Variants in MAP4K4 observed in about 807,000 individuals in gnomAD.
The protein encoded by MAP4K4 is mitogen-activated protein kinase kinase kinase kinase 4, also known as HPK/GCK-like kinase HGK.
A neutral mutation model predicts 189.6 loss-of-function variants in MAP4K4; 38 were observed. The observed-to-expected ratio is 0.20, with a 90% CI of 0.15 to 0.26. MAP4K4 has a LOEUF of 0.26. Ranked by LOEUF, MAP4K4 falls within the 10% of genes least tolerant of loss-of-function variation. MAP4K4 has a pLI of 1.00. For missense variants in MAP4K4, 1,054 were observed against 1,726.9 expected, an observed-to-expected ratio of 0.61 and a Z score of 6.91; for synonymous variants, 610 against 624.3, an observed-to-expected ratio of 0.98 and a Z score of 0.34.
At position 101,787,867 on chromosome 2, in the gene MAP4K4, G is replaced by T. The variant is rs191239876; in HGVS notation, c.124-2853G>T. Among the ~76,000 whole-genome samples the T allele has an allele frequency of 8.5e-3, 1,245 of 146,222 alleles. 11 individuals carry two copies. Among genetic ancestry groups the T allele is most frequent in the Middle Eastern group, 0.014 (4 of 276 alleles). ...CACCCAGGCTGGAGTGCAGTGGCAC[G>T]ATCTCAGCTCACTGCAACCTCCACC... is the stretch of plus-strand genomic sequence containing the variant. On this transcript the variant is annotated intron_variant, in intron 2 of 32. Coordinates refer to ENST00000324219, the Ensembl canonical transcript of MAP4K4.
chr2:101,765,732 G>A (rs2078350821), intron 2 of MAP4K4, among the ~76,000 whole-genome samples: 1 of 152,148 alleles, frequency 6.6e-6, no homozygotes, highest in African/African-American at 2.4e-5. Flanking sequence ...AACAAGTGTT[G>A]AATCTAGGTA....
At chr2:101,700,465 G>C (rs2037779213) in intron 2 of MAP4K4, among the ~76,000 whole-genome samples, 1 of 152,200 alleles carries the variant, frequency 6.6e-6, no homozygotes, top group Admixed American at 6.5e-5. Context: ...AATTAAATCT[G>C]TGCAAAAGTT....
chr2:101,726,785 A>T (rs563240950), intron 2 of MAP4K4, among the ~76,000 whole-genome samples: 40 of 152,274 alleles, frequency 2.6e-4, no homozygotes, highest in Middle Eastern at 3.4e-3. Flanking sequence ...ATTCATTTTG[A>T]CCCTCTCAGT....
intron 2 of MAP4K4, among the ~76,000 whole-genome samples, chr2:101,754,704 A>T (rs1196068870): frequency 2.6e-5 from 4 of 152,338 alleles, no homozygotes; most frequent in African/African-American, 9.6e-5. Context: ...AGTTAATTCA[A>T]ACACAGCCTT....
At chr2:101,880,796 C>G (rs753090587) in intron 27 of MAP4K4, among the ~76,000 whole-genome samples, 1 of 152,130 alleles carries the variant, frequency 6.6e-6, no homozygotes. Flanking sequence ...CGTGAGCCAC[C>G]GCGCCTGGTG....
chr2:101,842,526 A>G (rs2096953467), intron 10 of MAP4K4, 83 bp from the exon 11 acceptor site: 3 of 944,006 alleles, frequency 3.2e-6, no homozygotes, highest in African/African-American at 3.3e-5. Flanking sequence ...TTTTCTGCCA[A>G]GGTGCTCCTG....
At chr2:101,705,854 C>G (rs1322678529) in intron 2 of MAP4K4, among the ~76,000 whole-genome samples, 1 of 152,140 alleles carries the variant, frequency 6.6e-6, no homozygotes, top group Non-Finnish European at 1.5e-5. Flanking sequence ...ATTTGGTTCT[C>G]CCACCCTTTG....
Position 101,859,846 on chromosome 2 carries a change from T to C in MAP4K4, c.1686T>C (p.Pro562=), listed in dbSNP as rs778171175. The C allele has an allele frequency of 1.9e-6, 3 of 1,607,016 alleles. No individual in the cohort carries two copies. In the South Asian group the frequency reaches 3.4e-5, roughly 18 times the overall value. The change falls in exon 15 of 33, where the codon CCT becomes CCC. Residue 562 remains proline (P), a synonymous_variant. Transcript: ENST00000324219. ...CCGAGCCCAAAGCCCACTACGAGCC[T>C]GCTGACCGAGCGCGAGAGGTATCCT... is the stretch of plus-strand genomic sequence containing the variant.
At chr2:101,852,155 T>A (rs1447103432) in intron 12 of MAP4K4, among the ~76,000 whole-genome samples, 1 of 151,964 alleles carries the variant, frequency 6.6e-6, no homozygotes, top group Non-Finnish European at 1.5e-5. Context: ...TTTTTGTTTT[T>A]ATTAGTATGA....
At chr2:101,839,068 G>C (rs758893154) in intron 9 of MAP4K4, among the ~76,000 whole-genome samples, 50 of 152,334 alleles carry the variant, frequency 3.3e-4, no homozygotes, top group Non-Finnish European at 6.2e-4. Context: ...ATAGGACAGA[G>C]TGTTGCCAGG....
chr2:101,851,724 CTTTTTTTTTTTTTTTTT>C (rs36217584), intron 12 of MAP4K4, among the ~76,000 whole-genome samples: 4,190 of 68,184 alleles, frequency 0.061, 300 homozygotes, highest in African/African-American at 0.15. Flanking sequence ...TAACTGTCCT[CTTTTTTTTTTTTTTTTT>C]TTTTTTTTTT....
chr2:101,751,818 C>T (rs780610626), intron 2 of MAP4K4, among the ~76,000 whole-genome samples: 21 of 152,162 alleles, frequency 1.4e-4, no homozygotes, highest in Non-Finnish European at 2.5e-4. Flanking sequence ...TATGAATCTT[C>T]GCTGTGGTCT....
At chr2:101,738,733 C>T (rs974588143) in intron 2 of MAP4K4, among the ~76,000 whole-genome samples, 1 of 151,932 alleles carries the variant, frequency 6.6e-6, no homozygotes, top group Non-Finnish European at 1.5e-5. Context: ...TTCTTGCCCT[C>T]TGCTTGCTTT....
At chr2:101,816,475 T>C (rs2095724548) in intron 3 of MAP4K4, among the ~76,000 whole-genome samples, 1 of 152,174 alleles carries the variant, frequency 6.6e-6, no homozygotes, top group South Asian at 2.1e-4. Flanking sequence ...CAACACTCTA[T>C]TCAATGTGTA....
exon 33 of MAP4K4, chr2:101,892,629 A>G: frequency 3.3e-6 from 1 of 305,362 alleles, no homozygotes; most frequent in Non-Finnish European, 6.5e-6. Flanking sequence ...AAACTATTTT[A>G]AGAATGTAGT....
intron 2 of MAP4K4, among the ~76,000 whole-genome samples, chr2:101,703,274 A>G (rs1489924462): frequency 6.6e-6 from 1 of 152,028 alleles, no homozygotes; most frequent in Non-Finnish European, 1.5e-5. Context: ...TAGGTTTAAC[A>G]TGTTGAATTC....
In MAP4K4 at chr2:101,883,643, C is replaced by G. The variant is rs577144915; in HGVS notation, c.3520+958C>G. 2.0e-5 allele frequency among the ~76,000 whole-genome samples: 3 copies of G among 152,216 alleles called. No homozygotes were observed. In the Middle Eastern group the frequency reaches 0.01, roughly 518 times the overall value. ...AACAGAATTTAAACAGGAAGTTTTT[C>G]TATATACCTAAAACTGATTAATGTT... On this transcript the variant is annotated intron_variant, in intron 28 of 32. Transcript: ENST00000324219.
intron 2 of MAP4K4, among the ~76,000 whole-genome samples, chr2:101,703,391 G>T (rs533335562): frequency 1.3e-4 from 20 of 152,172 alleles, no homozygotes; most frequent in African/African-American, 4.6e-4. Flanking sequence ...GCTGAGACGG[G>T]CGGATCACCT....
chr2:101,878,157 A>G (rs62153664), intron 27 of MAP4K4, among the ~76,000 whole-genome samples: 37,242 of 152,212 alleles, frequency 0.24, 5,534 homozygotes, highest in Non-Finnish European at 0.31. Context: ...TCCAGAGATC[A>G]TATCTTTTAA....
Sources: gnomAD v4.1 joint callset for allele counts (sites outside exome capture counted in the v4.1 genomes callset) on GRCh38, gnomAD v4.1.1 for gene constraint, MANE v1.5 for transcripts, NCBI Gene and HGNC (gene_info 2026-07-23, HGNC 2026-07-21) for gene names.